Variants in ANKS1A observed in about 807,000 individuals in gnomAD.
ANKS1A encodes the protein ankyrin repeat and SAM domain-containing protein 1A.
A neutral mutation model predicts 120.3 loss-of-function variants in ANKS1A; 55 were observed. That is an observed-to-expected ratio of 0.46 (90% CI 0.37 to 0.57). The LOEUF is 0.57. ANKS1A is among the 20% of genes least tolerant of loss of function. The pLI, the probability that ANKS1A is intolerant of heterozygous loss-of-function variation, is 0.00. For synonymous variants in ANKS1A, 590 were observed against 604.7 expected (o/e 0.98, Z 0.36); for missense variants, 1,123 against 1,480.3 (o/e 0.76, Z 3.96).
At chr6:35,030,943 A>G (rs1383272663) in intron 11 of ANKS1A, among the ~76,000 whole-genome samples, 3 of 152,232 alleles carry the variant, frequency 2.0e-5, no homozygotes, top group Non-Finnish European at 1.5e-5. Flanking sequence ...ATGCTTGTAC[A>G]TAATGTACAT....
At chr6:34,984,761 C>T (rs1468091770) in intron 7 of ANKS1A, among the ~76,000 whole-genome samples, 1 of 151,926 alleles carries the variant, frequency 6.6e-6, no homozygotes, top group Admixed American at 6.6e-5. Flanking sequence ...TTCAGTTACA[C>T]CTTGCTATAT....
chr6:34,960,382 A>G (rs902751998), intron 1 of ANKS1A, among the ~76,000 whole-genome samples: 4 of 151,986 alleles, frequency 2.6e-5, no homozygotes, highest in African/African-American at 7.3e-5. Flanking sequence ...CTAGAAATCA[A>G]GCTCCATGAG....
chr6:34,940,840 G>A (rs959447847), intron 1 of ANKS1A, among the ~76,000 whole-genome samples: 10 of 151,776 alleles, frequency 6.6e-5, no homozygotes, highest in African/African-American at 1.9e-4. Context: ...CTCAGCAGGC[G>A]GAGGTTGCAG....
intron 11 of ANKS1A, among the ~76,000 whole-genome samples, chr6:35,030,252 T>G (rs1288793209): frequency 3.3e-5 from 5 of 152,260 alleles, no homozygotes; most frequent in Admixed American, 6.5e-5. Context: ...GACAAAAATA[T>G]TGGTCTTTGT....
intron 3 of ANKS1A, among the ~76,000 whole-genome samples, chr6:34,978,544 G>A (rs1204734927): frequency 6.6e-6 from 1 of 152,088 alleles, no homozygotes; most frequent in East Asian, 1.9e-4. Flanking sequence ...GGTAGCTCAC[G>A]CCTGTAATCC....
chr6:35,013,501 C>T (rs1773866015), intron 10 of ANKS1A, among the ~76,000 whole-genome samples: 1 of 152,090 alleles, frequency 6.6e-6, no homozygotes, highest in Admixed American at 6.6e-5. Context: ...CGCCATGTTG[C>T]CCAAGCTGAT....
In ANKS1A at chr6:35,086,175, G is replaced by A. The variant is rs1777965657; in HGVS notation, c.3303+239G>A. 1 of 1,259,648 alleles carries A rather than the reference G, an allele frequency of 7.9e-7. No individual in the cohort carries two copies. Among genetic ancestry groups the A allele is most frequent in the Non-Finnish European group, 1.1e-6 (1 of 922,528 alleles). 78.0% of individuals were successfully genotyped at this position (1,259,648 alleles called of 1,614,324 possible). ...CCTCCCTCGCTGGGCTCCCCCAAGG[G>A]CAAGGCCGTCAAGGGGCTGCAGAGA... On this transcript the variant is annotated intron_variant, in intron 22 of 23. Coordinates refer to ENST00000360359, the MANE Select transcript of ANKS1A (RefSeq NM_015245.3). The surrounding 1 kb of genome is among the most constrained non-coding windows in gnomAD (Gnocchi z 5.1).
At chr6:34,978,797 C>T (rs1319848028) in intron 3 of ANKS1A, among the ~76,000 whole-genome samples, 1 of 68,272 alleles carries the variant, frequency 1.5e-5, no homozygotes, top group Non-Finnish European at 2.8e-5. Flanking sequence ...AAGAGCGAAA[C>T]TCCGTCTCAA....
intron 5 of ANKS1A, 33 bp from the exon 6 acceptor site, chr6:34,983,080 C>G (rs757861694): frequency 6.3e-7 from 1 of 1,595,316 alleles, no homozygotes; most frequent in Non-Finnish European, 8.6e-7. Context: ...TGAAAATGCT[C>G]ACTCCCCTGG....
intron 10 of ANKS1A, among the ~76,000 whole-genome samples, chr6:35,004,055 C>T (rs1220948859): frequency 6.6e-6 from 1 of 152,158 alleles, no homozygotes; most frequent in Non-Finnish European, 1.5e-5. Flanking sequence ...TGTAAAACTT[C>T]CCGGTCTGTT....
At chr6:34,974,403 T>G in intron 3 of ANKS1A, among the ~76,000 whole-genome samples, 2 of 115,802 alleles carry the variant, frequency 1.7e-5, no homozygotes, top group Non-Finnish European at 1.8e-5. Context: ...TCCCCTTCCA[T>G]TCCCCTTCCC....
intron 10 of ANKS1A, among the ~76,000 whole-genome samples, chr6:35,011,961 A>G (rs1238775598): frequency 6.6e-6 from 1 of 152,140 alleles, no homozygotes; most frequent in African/African-American, 2.4e-5. Context: ...AGAGCTGAGG[A>G]AGAAAAGGTT....
chr6:35,011,940 G>A (rs1171628595), intron 10 of ANKS1A, among the ~76,000 whole-genome samples: 1 of 152,104 alleles, frequency 6.6e-6, no homozygotes, highest in Non-Finnish European at 1.5e-5. Context: ...GGCTATTTTT[G>A]TCCCTGTTTC....
Position 34,945,496 on chromosome 6 carries a change from A to G in ANKS1A, c.198-21743A>G, listed in dbSNP as rs181813644. Among the ~76,000 whole-genome samples, 43 of 152,116 alleles carry G rather than the reference A, an allele frequency of 2.8e-4. 1 individual carries two copies. The highest frequency in any genetic ancestry group is 4.6e-4 in the Admixed American group (7 of 15,276). On this transcript the variant is annotated intron_variant, in intron 1 of 23. Transcript: ENST00000360359. Reference sequence around the variant, plus strand: ...TTGTTGCAAAGACCATCTTATCTCCACTGAATTGGCCTTTGCTCCTTTGTC... The same window carrying G: ...TTGTTGCAAAGACCATCTTATCTCCGCTGAATTGGCCTTTGCTCCTTTGTC...
chr6:34,986,496 A>G (rs760071709), intron 8 of ANKS1A, among the ~76,000 whole-genome samples: 5 of 152,194 alleles, frequency 3.3e-5, no homozygotes, highest in African/African-American at 4.8e-5. Context: ...ACAAATTTTC[A>G]GGCCTGTGTT....
chr6:34,997,817 G>A (rs777104054), intron 10 of ANKS1A, among the ~76,000 whole-genome samples: 20 of 152,216 alleles, frequency 1.3e-4, no homozygotes, highest in Non-Finnish European at 2.5e-4. Context: ...GCTACCAAGT[G>A]TGCCTGAAAG....
chr6:34,945,985 T>A (rs1380263060), intron 1 of ANKS1A, among the ~76,000 whole-genome samples: 10 of 146,136 alleles, frequency 6.8e-5, no homozygotes, highest in Non-Finnish European at 1.4e-4. Flanking sequence ...TTTTATTTAT[T>A]TTTTTTTTTT....
At chr6:34,951,087 A>T (rs1233481275) in intron 1 of ANKS1A, among the ~76,000 whole-genome samples, 1 of 152,172 alleles carries the variant, frequency 6.6e-6, no homozygotes, top group African/African-American at 2.4e-5. Flanking sequence ...AAATGAGATC[A>T]TACTGTACTT....
intron 1 of ANKS1A, among the ~76,000 whole-genome samples, chr6:34,903,253 T>C (rs9368835): frequency 0.073 from 11,064 of 150,862 alleles, 603 homozygotes; most frequent in East Asian, 0.25. Flanking sequence ...TACTTTCAAA[T>C]TGGCTCATTG....
Sources: gnomAD v4.1 joint callset for allele counts (sites outside exome capture counted in the v4.1 genomes callset) on GRCh38, gnomAD v4.1.1 for gene constraint, Gnocchi (gnomAD v3.1) non-coding constraint, MANE v1.5 for transcripts, NCBI Gene and HGNC (gene_info 2026-07-23, HGNC 2026-07-21) for gene names.